The following TFEC variants were observed in gnomAD, a reference collection of about 807,000 sequenced individuals.
TFEC encodes the protein class E basic helix-loop-helix protein 34.
In TFEC, 31 loss-of-function variants were observed where a neutral mutation model predicts 41.6. That is an observed-to-expected ratio of 0.74 (90% CI 0.56 to 1.01). The LOEUF is 1.01. Ranked by LOEUF, TFEC falls within the 50% of genes least tolerant of loss-of-function variation. TFEC has a pLI of 0.00. For synonymous variants in TFEC, 143 were observed against 140.6 expected, an observed-to-expected ratio of 1.02 and a Z score of -0.12; for missense variants, 402 against 404.1, an observed-to-expected ratio of 0.99 and a Z score of 0.04.
intron 1 of TFEC, among the ~76,000 whole-genome samples, chr7:116,024,488 T>C (rs2130866643): frequency 6.6e-6 from 1 of 152,294 alleles, no homozygotes; most frequent in South Asian, 2.1e-4. Flanking sequence ...AAATCTCAGT[T>C]TTCTTTTCTG....
intron 1 of TFEC, among the ~76,000 whole-genome samples, chr7:116,153,046 T>G (rs190202964): frequency 1.4e-4 from 22 of 152,250 alleles, no homozygotes; most frequent in Admixed American, 9.2e-4. Flanking sequence ...GAAAGATATT[T>G]TTAAAACCTA....
chr7:116,065,293 C>T lies in TFEC; in HGVS notation c.198+45415G>A, dbSNP rs565916105. ...TGATTCTTAAATATGAGCAAAAATC[C>T]CAAGACTACAAGACACCTGAGAAAA... is the stretch of plus-strand genomic sequence containing the variant. On this transcript the variant is annotated intron_variant, in intron 3 of 8. Coordinates refer to the TFEC transcript ENST00000484212. 1.2e-4 allele frequency among the ~76,000 whole-genome samples: 19 copies of T among 152,080 alleles called. No individual in the cohort carries two copies. The South Asian group carries it at 4.0e-3, about 32-fold the overall frequency.
At chr7:116,134,443 A>T (rs1054550706) in intron 1 of TFEC, among the ~76,000 whole-genome samples, 10 of 152,188 alleles carry the variant, frequency 6.6e-5, no homozygotes, top group African/African-American at 2.4e-4. Context: ...CTTAAAAGCT[A>T]ATCAGAAACA....
At position 115,981,430 on chromosome 7, in the gene TFEC, C is replaced by T. The variant is rs538401360; in HGVS notation, c.180+2832G>A. Among the ~76,000 whole-genome samples the T allele has an allele frequency of 1.4e-4, 22 of 152,072 alleles. 1 individual carries two copies. The South Asian group carries it at 4.6e-3, about 32-fold the overall frequency. ...CCACATTACTTAAAGTATCACTGTA[C>T]TAATAACAGCAAGTAGAGAAATATT... On this transcript the variant is annotated intron_variant, in intron 2 of 7. Coordinates refer to ENST00000265440, the MANE Select transcript of TFEC (RefSeq NM_012252.4).
upstream of TFEC, among the ~76,000 whole-genome samples, chr7:116,035,176 T>TA (rs1161089547): frequency 1.3e-5 from 2 of 151,966 alleles, no homozygotes; most frequent in Non-Finnish European, 2.9e-5. Context: ...TTTATAATCA[T>TA]AAAAAAATTC....
At chr7:116,140,836 C>T (rs1798526101) in intron 1 of TFEC, among the ~76,000 whole-genome samples, 1 of 152,174 alleles carries the variant, frequency 6.6e-6, no homozygotes. Context: ...GATGAACTAA[C>T]ACATCCATGA....
At chr7:116,156,050 T>C (rs377156722) in intron 1 of TFEC, among the ~76,000 whole-genome samples, 1 of 152,338 alleles carries the variant, frequency 6.6e-6, no homozygotes, top group East Asian at 1.9e-4. Flanking sequence ...TTAAATTTCA[T>C]ACCTGAGGCA....
chr7:116,069,775 C>T (rs1279987407), intron 3 of TFEC, among the ~76,000 whole-genome samples: 7 of 151,544 alleles, frequency 4.6e-5, no homozygotes, highest in Non-Finnish European at 1.0e-4. Flanking sequence ...CAAAAGCATC[C>T]TACATGGTCT....
chr7:115,984,578 C>T lies in TFEC; in HGVS notation c.-72-65G>A, dbSNP rs1793771452. On this transcript the variant is annotated intron_variant, in intron 1 of 7. Coordinates refer to ENST00000265440, the MANE Select transcript of TFEC (RefSeq NM_012252.4). ...AGCTGTGAAATTAGAGTTCTCCTTT[C>T]CACAATTGCACTAGGATAATAAACA... 6.5e-6 allele frequency: 10 copies of T among 1,544,944 alleles called. No homozygotes were observed. In the South Asian group the frequency reaches 8.5e-5, roughly 13 times the overall value.
chr7:116,084,279 C>A (rs981754498), intron 3 of TFEC, among the ~76,000 whole-genome samples: 1 of 151,850 alleles, frequency 6.6e-6, no homozygotes, highest in African/African-American at 2.4e-5. Context: ...ACCAACACAA[C>A]TTTAAGGTTT....
Position 116,105,960 on chromosome 7 carries a change from G to T in TFEC, c.198+4748C>A, listed in dbSNP as rs558766531. Among the ~76,000 whole-genome samples, 3 of 152,032 alleles carry T rather than the reference G, an allele frequency of 2.0e-5. No homozygotes were observed. In the East Asian group the frequency reaches 5.8e-4, roughly 29 times the overall value. On this transcript the variant is annotated intron_variant, in intron 3 of 8. Transcript: ENST00000484212. Reference sequence around the variant, plus strand: ...GATAGAGTGGTGGGGAATTCAAGACGTTGTAGAAAAGAAAGAATTTCTTTT... The same window carrying T: ...GATAGAGTGGTGGGGAATTCAAGACTTTGTAGAAAAGAAAGAATTTCTTTT...
chr7:116,070,670 A>T (rs1796806339), intron 3 of TFEC, among the ~76,000 whole-genome samples: 1 of 151,484 alleles, frequency 6.6e-6, no homozygotes, highest in Non-Finnish European at 1.5e-5. Flanking sequence ...AATAAACATT[A>T]TTGTCTCCTA....
chr7:116,010,565 G>A (rs776592618), intron 1 of TFEC, among the ~76,000 whole-genome samples: 15 of 152,084 alleles, frequency 9.9e-5, no homozygotes, highest in African/African-American at 1.7e-4. Flanking sequence ...GTAGCTAGAC[G>A]TATGTCTGGA....
At chr7:115,954,505 G>A (rs1792113492) in intron 5 of TFEC, 81 bp downstream of exon 5, 4 of 1,128,674 alleles carry the variant, frequency 3.5e-6, no homozygotes, top group Non-Finnish European at 5.0e-6. Flanking sequence ...AAATACTTAT[G>A]GAGTATAATA....
intron 1 of TFEC, among the ~76,000 whole-genome samples, chr7:116,018,507 A>C (rs188248433): frequency 3.3e-5 from 5 of 152,300 alleles, no homozygotes; most frequent in Admixed American, 3.3e-4. Context: ...TAATTAAGTA[A>C]GTGACTGAAA....
Position 115,936,201 on chromosome 7 carries a change from G to A in TFEC, c.*4350C>T, listed in dbSNP as rs1442735362. On this transcript the variant is annotated 3_prime_UTR_variant, in exon 8 of 8. Coordinates refer to ENST00000265440, the MANE Select transcript of TFEC (RefSeq NM_012252.4). ...GAGGCTCATGTAACATAGGAGATCA[G>A]TAACACTCGAAATGTATTTTGTATT... The A allele has an allele frequency of 6.6e-6, 1 of 151,620 alleles. No homozygotes were observed. Among genetic ancestry groups the A allele is most frequent in the East Asian group, 1.9e-4 (1 of 5,180 alleles). 9.4% of individuals were successfully genotyped at this position (151,620 alleles called of 1,614,324 possible). A position where few individuals can be genotyped will look rare whatever the true frequency, so the allele number is the denominator to read the frequency against.
At position 116,132,804 on chromosome 7, in the gene TFEC, CT is replaced by C. The variant is rs543370167; in HGVS notation, c.-68-20767del. ...AAACAAGCTATAGAATATTAGTTAG[CT>C]GGAAAAAAGTGAGAAATCTTTTCCT... is the stretch of plus-strand genomic sequence containing the variant. On this transcript the variant is annotated intron_variant, in intron 1 of 8. Transcript: ENST00000484212. Among the ~76,000 whole-genome samples, 252 of 152,288 alleles carry C rather than the reference CT, an allele frequency of 1.7e-3. 1 individual carries two copies. The highest frequency in any genetic ancestry group is 2.5e-3 in the Non-Finnish European group (170 of 68,000).
chr7:116,148,504 G>A (rs1164946388), intron 1 of TFEC, among the ~76,000 whole-genome samples: 1 of 152,178 alleles, frequency 6.6e-6, no homozygotes, highest in African/African-American at 2.4e-5. Flanking sequence ...AGGAACAGAA[G>A]GAGTGAAATG....
chr7:116,052,425 T>C (rs1472637050), intron 3 of TFEC, among the ~76,000 whole-genome samples: 2 of 151,892 alleles, frequency 1.3e-5, no homozygotes, highest in African/African-American at 4.8e-5. Context: ...TTTAAGTTGT[T>C]TGGTTTGTTT....
Sources: allele counts gnomAD v4.1 joint callset (sites outside exome capture counted in the v4.1 genomes callset), GRCh38; gene constraint gnomAD v4.1.1; transcripts MANE v1.5; gene names NCBI Gene and HGNC (gene_info 2026-07-23, HGNC 2026-07-21).